The following IL16 variants were observed in gnomAD, a reference collection of about 807,000 sequenced individuals.
IL16 encodes interleukin 16, also known as pro-interleukin-16.
In IL16, 67 loss-of-function variants were observed where a neutral mutation model predicts 110.1. The observed-to-expected ratio is 0.61, with a 90% CI of 0.50 to 0.75. The LOEUF (loss-of-function observed/expected upper bound fraction) is 0.75, where lower values mean the gene tolerates loss of function less well. Ranked by LOEUF, IL16 falls within the 30% of genes least tolerant of loss-of-function variation. IL16 has a pLI of 0.00. For synonymous variants in IL16, 689 were observed against 662.9 expected (o/e 1.04, Z -0.61); for missense variants, 1,545 against 1,655.0 (o/e 0.93, Z 1.15).
intron 1 of IL16, among the ~76,000 whole-genome samples, chr15:81,197,876 G>A (rs1458588882): frequency 3.9e-5 from 6 of 152,000 alleles, no homozygotes; most frequent in Non-Finnish European, 8.8e-5. Context: ...ACTTCAGGCT[G>A]AGCCATACAA....
chr15:81,209,360 A>G (rs2141984833), intron 1 of IL16, among the ~76,000 whole-genome samples: 1 of 152,156 alleles, frequency 6.6e-6, no homozygotes, highest in East Asian at 1.9e-4. Context: ...AGAGGTGGGA[A>G]TGGGCAGAGG....
At position 81,301,462 on chromosome 15, in the gene IL16, T is replaced by G. The variant is rs1344763754; in HGVS notation, c.3268T>G (p.Leu1090Val). ...SVISLLSSEE[L>V]KKLIEEVKVL... ...TATCTCCCTGCTGAGCTCAGAAGAA[T>G]TAAAAAAACTCATCGAGGAGGTGAA... The change falls in exon 15 of 19, where the codon TTA becomes GTA. Residue 1090 changes from leucine (L) to valine (V), a missense_variant. Leu to Val is a conservative substitution (Grantham distance 32). Transcript: ENST00000683961. The G allele has an allele frequency of 1.9e-6, 3 of 1,613,834 alleles. No individual in the cohort carries two copies. Among genetic ancestry groups the G allele is most frequent in the Non-Finnish European group, 2.5e-6 (3 of 1,179,966 alleles).
At position 81,276,381 on chromosome 15, in the gene IL16, T is replaced by C. The variant is rs185843218; in HGVS notation, c.791-2436T>C. ...ATCTAAGAATGGCAGACTCAGGGGT[T>C]GATGATGTGGCGGGGAGGGCTGCTG... On this transcript the variant is annotated intron_variant, in intron 6 of 18. Coordinates refer to ENST00000683961, the MANE Select transcript of IL16 (RefSeq NM_172217.5). Among the ~76,000 whole-genome samples the C allele has an allele frequency of 3.9e-5, 6 of 152,324 alleles. No individual in the cohort carries two copies. The East Asian group carries it at 1.2e-3, about 29-fold the overall frequency.
intron 18 of IL16, among the ~76,000 whole-genome samples, chr15:81,307,012 C>T (rs976355991): frequency 1.3e-5 from 2 of 152,180 alleles, no homozygotes; most frequent in Admixed American, 1.3e-4. Context: ...ATTTGCCTTA[C>T]CCTAGTCCTG....
chr15:81,203,167 G>A lies in IL16; in HGVS notation c.-102+6015G>A, dbSNP rs538574893. On this transcript the variant is annotated intron_variant, in intron 1 of 18. Coordinates refer to ENST00000683961, the MANE Select transcript of IL16 (RefSeq NM_172217.5). ...CATATCCTTCACCCACTTTTTGATGGGGTTGTTTTTTTCTTGTAAATTTGT... is the reference window on the plus strand; with the variant it reads ...CATATCCTTCACCCACTTTTTGATGAGGTTGTTTTTTTCTTGTAAATTTGT... Among the ~76,000 whole-genome samples the A allele has an allele frequency of 9.1e-4, 124 of 136,908 alleles. 1 individual carries two copies. The highest frequency in any genetic ancestry group is 7.3e-3 in the Admixed American group (108 of 14,782). 89.8% of individuals were successfully genotyped at this position (136,908 alleles called of 152,430 possible).
chr15:81,254,747 G>C (rs1897888017), intron 2 of IL16, among the ~76,000 whole-genome samples: 1 of 152,174 alleles, frequency 6.6e-6, no homozygotes, highest in African/African-American at 2.4e-5. Flanking sequence ...TGTGCTGGGA[G>C]GGAGTCACAC....
chr15:81,292,731 G>C lies in IL16; in HGVS notation c.1596G>C (p.Lys532Asn), dbSNP rs1223511281. The C allele has an allele frequency of 6.2e-7, 1 of 1,614,080 alleles. No homozygotes were observed. Among genetic ancestry groups the C allele is most frequent in the East Asian group, 2.2e-5 (1 of 44,892 alleles). Residue 532 changes from lysine (K) to asparagine (N), a missense_variant, in exon 12 of 19, where the codon AAG becomes AAC. Around this residue, in one of 3 missense-constraint regions of IL16, gnomAD observed 1,185 missense variants for 1,238.8 expected, o/e 0.96. Transcript: ENST00000683961. ...GTCCTGGGAGTGGCAGTGCTGAGAA[G>C]CCGTCCTCTGACGTGGACATCAGCA... The part of the protein sequence containing the change: ...GGSPGSGSAE[K>N]PSSDVDISTH...
chr15:81,275,173 CAGGATGTGT>C (rs1567030921), intron 6 of IL16, among the ~76,000 whole-genome samples: 1 of 151,216 alleles, frequency 6.6e-6, no homozygotes, highest in African/African-American at 2.4e-5. Context: ...GAAGGCAAAC[CAGGATGTGT>C]AGGTTTGAGT....
rs117394490 is a variant in IL16 at position 81,270,724 on chromosome 15, C to T, written c.675+1076C>T. Among the ~76,000 whole-genome samples, 875 of 152,226 alleles carry T rather than the reference C, an allele frequency of 5.7e-3. 2 individuals are homozygous for T. The highest frequency in any genetic ancestry group is 0.02 in the Middle Eastern group (6 of 294). On this transcript the variant is annotated intron_variant, in intron 5 of 18. Coordinates refer to ENST00000683961, the MANE Select transcript of IL16 (RefSeq NM_172217.5). Reference sequence around the variant, plus strand: ...GCCCAAAAGAAGGTGAAATGGTAAACGCCACCAAAACTCATGTGAAGATGA... The same window carrying T: ...GCCCAAAAGAAGGTGAAATGGTAAATGCCACCAAAACTCATGTGAAGATGA...
chr15:81,225,313 G>T lies in IL16; in HGVS notation c.-87G>T, dbSNP rs923711014. 5 of 1,543,956 alleles carry T rather than the reference G, an allele frequency of 3.2e-6. No individual in the cohort carries two copies. The highest frequency in any genetic ancestry group is 3.9e-5 in the Admixed American group (2 of 51,214). ...CTTTCCTCTAGGGACTCATGAAGTG[G>T]CAGCTAAGCCCTGTCCAGTGGCCAC... is the stretch of plus-strand genomic sequence containing the variant. On this transcript the variant is annotated 5_prime_UTR_variant, in exon 2 of 19. Coordinates refer to ENST00000683961, the MANE Select transcript of IL16 (RefSeq NM_172217.5).
intron 9 of IL16, among the ~76,000 whole-genome samples, chr15:81,284,864 A>G (rs116466931): frequency 0.017 from 2,517 of 152,336 alleles, 67 homozygotes; most frequent in African/African-American, 0.057. Context: ...ATATAACAGC[A>G]GAGTTGAATA....
chr15:81,278,714 C>A, intron 6 of IL16, 103 bp from the exon 7 acceptor site: 1 of 805,296 alleles, frequency 1.2e-6, no homozygotes, highest in Non-Finnish European at 2.2e-6. Flanking sequence ...CTTCGTGCAT[C>A]ATACAAAAAG....
intron 1 of IL16, chr15:81,182,964 C>T: frequency 1.0e-6 from 1 of 988,598 alleles, no homozygotes; most frequent in Non-Finnish European, 1.4e-6. Flanking sequence ...TGGACCCTTC[C>T]TGACATCCTC....
At chr15:81,293,974 A>G (rs1899866430) in intron 12 of IL16, among the ~76,000 whole-genome samples, 1 of 152,222 alleles carries the variant, frequency 6.6e-6, no homozygotes. Flanking sequence ...CCACTATGCA[A>G]TGCTGAGTTT....
chr15:81,188,643 G>A (rs944257319), intron 1 of IL16, among the ~76,000 whole-genome samples: 1 of 152,164 alleles, frequency 6.6e-6, no homozygotes, highest in Non-Finnish European at 1.5e-5. Flanking sequence ...ACGTATGCCT[G>A]TAACAGGTTA....
In IL16 at chr15:81,313,109, G is replaced by T. The variant is rs1900950161; in HGVS notation, c.*4311G>T. 1.0e-6 allele frequency: 1 copy of T among 983,722 alleles called. No individual in the cohort carries two copies. The highest frequency in any genetic ancestry group is 2.4e-5 in the South Asian group (1 of 40,872). 60.9% of individuals were successfully genotyped at this position (983,722 alleles called of 1,614,324 possible). On this transcript the variant is annotated 3_prime_UTR_variant, in exon 19 of 19. Coordinates refer to ENST00000683961, the MANE Select transcript of IL16 (RefSeq NM_172217.5). ...GCAGGAAGGGTGGGCTGCCGCCTCT[G>T]GTTGGCATTCTCAGAGATGCGCAGT...
At position 81,247,251 on chromosome 15, in the gene IL16, G is replaced by A. The variant is rs1360944644; in HGVS notation, c.313-12521G>A. ...TTTTCTCTACTTTCTTTGATGATTA[G>A]CCCATTATTTTCAGCTTTTCTTCCT... On this transcript the variant is annotated intron_variant, in intron 2 of 18. Coordinates refer to ENST00000683961, the MANE Select transcript of IL16 (RefSeq NM_172217.5). Among the ~76,000 whole-genome samples, 4 of 151,064 alleles carry A rather than the reference G, an allele frequency of 2.6e-5. No homozygotes were observed. In the East Asian group the frequency reaches 7.8e-4, roughly 29 times the overall value.
intron 1 of IL16, among the ~76,000 whole-genome samples, chr15:81,207,710 A>G (rs995588693): frequency 3.3e-5 from 5 of 152,046 alleles, no homozygotes; most frequent in Non-Finnish European, 7.4e-5. Context: ...ATTTCATTCT[A>G]TTTTATGGCT....
intron 1 of IL16, among the ~76,000 whole-genome samples, chr15:81,199,033 ATATAT>A (rs1566990607): frequency 0.02 from 1,754 of 88,120 alleles, 61 homozygotes; most frequent in African/African-American, 0.099. Context: ...AAAAAAAAAT[ATATAT>A]ATATATATAT....
Sources: allele counts gnomAD v4.1 joint callset (sites outside exome capture counted in the v4.1 genomes callset), GRCh38; gene constraint gnomAD v4.1.1; regional missense constraint gnomAD v4.1.1; transcripts MANE v1.5; gene names NCBI Gene and HGNC (gene_info 2026-07-23, HGNC 2026-07-21).